TBC1D9: variants seen among roughly 807,000 people sequenced by gnomAD.
TBC1D9 encodes the protein TBC1 domain family member 9A.
A neutral mutation model predicts 132.0 loss-of-function variants in TBC1D9; 63 were observed. That is an observed-to-expected ratio of 0.48 (90% CI 0.39 to 0.59). The LOEUF (loss-of-function observed/expected upper bound fraction) is 0.59, where lower values mean the gene tolerates loss of function less well. Among genes scored for constraint, TBC1D9 ranks in the 20% least tolerant of loss-of-function variants. The pLI, the probability that TBC1D9 is intolerant of heterozygous loss-of-function variation, is 0.00. For missense variants in TBC1D9, 1,261 were observed against 1,592.7 expected (o/e 0.79, Z 3.54); for synonymous variants, 610 against 609.9 (o/e 1.00, Z 0.00).
At chr4:140,641,105 C>CAAAAAAAAA (rs1038335139) in intron 13 of TBC1D9, among the ~76,000 whole-genome samples, 1 of 59,780 alleles carries the variant, frequency 1.7e-5, no homozygotes, top group African/African-American at 6.1e-5. Flanking sequence ...AAAAAAAAAA[C>CAAAAAAAAA]AAAAAAAAAC....
intron 16 of TBC1D9, among the ~76,000 whole-genome samples, chr4:140,630,782 C>G (rs1196938509): frequency 1.3e-5 from 2 of 152,214 alleles, no homozygotes; most frequent in African/African-American, 4.8e-5. Flanking sequence ...TAAGTGTACT[C>G]TGCCTTCATG....
chr4:140,666,598 A>G (rs956740918), intron 9 of TBC1D9, among the ~76,000 whole-genome samples: 11 of 151,994 alleles, frequency 7.2e-5, no homozygotes, highest in Non-Finnish European at 1.5e-4. Context: ...TCGGCCTCCC[A>G]AAGTGCTGGG....
intron 15 of TBC1D9, among the ~76,000 whole-genome samples, chr4:140,637,337 G>A (rs1456688466): frequency 2.0e-5 from 3 of 150,548 alleles, no homozygotes; most frequent in East Asian, 3.9e-4. Flanking sequence ...GTGACAGAAC[G>A]AGACTCCGTC....
intron 1 of TBC1D9, among the ~76,000 whole-genome samples, chr4:140,720,196 G>A (rs1388675198): frequency 1.3e-5 from 2 of 152,206 alleles, no homozygotes; most frequent in Non-Finnish European, 2.9e-5. Flanking sequence ...CAGCTCAATA[G>A]CAAGGGAGTG....
In TBC1D9 at chr4:140,654,192, T is replaced by C. The variant is rs75775479; in HGVS notation, c.2337+2905A>G. On this transcript the variant is annotated intron_variant, in intron 13 of 20. Coordinates refer to ENST00000442267, the MANE Select transcript of TBC1D9 (RefSeq NM_015130.3). ...TGAACAAAGGGCATGAGAGCCTTTATTCCTGACACCAAGTCCTGCCCCTGT... is the reference window on the plus strand; with the variant it reads ...TGAACAAAGGGCATGAGAGCCTTTACTCCTGACACCAAGTCCTGCCCCTGT... 2.3e-3 allele frequency among the ~76,000 whole-genome samples: 345 copies of C among 152,382 alleles called. 3 individuals carry two copies. In the East Asian group the frequency reaches 0.027, roughly 12 times the overall value.
chr4:140,622,785 C>G lies in TBC1D9; in HGVS notation c.3211G>C (p.Val1071Leu). The change falls in exon 21 of 21, where the codon GTG (valine) becomes CTG (leucine). Residue 1071 changes from valine to leucine, a missense_variant. Physicochemically the swap from Val to Leu is conservative, Grantham distance 32 (BLOSUM62 1). Transcript: ENST00000442267. The stretch of plus-strand genomic sequence containing the variant: ...CCGCCCTCCTTTGCAGGCTGGGCCA[C>G]GAACAACTTGCCGACCTCCCCAATC... ...LEIGEVGKLF[V>L]AQPAKEGGSG... 3 of 1,603,092 alleles carry G rather than the reference C, an allele frequency of 1.9e-6. No individual in the cohort carries two copies. Among genetic ancestry groups the G allele is most frequent in the Non-Finnish European group, 2.5e-6 (3 of 1,179,192 alleles).
At chr4:140,707,533 A>G (rs887963221) in intron 1 of TBC1D9, among the ~76,000 whole-genome samples, 1 of 152,192 alleles carries the variant, frequency 6.6e-6, no homozygotes, top group African/African-American at 2.4e-5. Context: ...TCTGTAGGCC[A>G]CCTGCTGCCA....
chr4:140,742,915 GAGAA>G (rs1002816795), intron 1 of TBC1D9, among the ~76,000 whole-genome samples: 1 of 151,598 alleles, frequency 6.6e-6, no homozygotes, highest in African/African-American at 2.4e-5. Context: ...GGAGGAGAAA[GAGAA>G]AGAAAGAAAC....
In TBC1D9 at chr4:140,690,033, T is replaced by C. The variant is rs1002614964; in HGVS notation, c.242-3571A>G. The stretch of plus-strand genomic sequence containing the variant: ...CACAGTGCCTGGCCTGTGTGCTTTA[T>C]GCATAAAGAAAGGATAAAGGTTTCT... On this transcript the variant is annotated intron_variant, in intron 2 of 20. Transcript: ENST00000442267. Among the ~76,000 whole-genome samples, 10 of 151,838 alleles carry C rather than the reference T, an allele frequency of 6.6e-5. No homozygotes were observed. In the South Asian group the frequency reaches 1.9e-3, roughly 28 times the overall value.
At chr4:140,665,513 A>G (rs1737429639) in intron 9 of TBC1D9, among the ~76,000 whole-genome samples, 1 of 152,190 alleles carries the variant, frequency 6.6e-6, no homozygotes, top group Non-Finnish European at 1.5e-5. Context: ...CTTCAGGAGA[A>G]TGCAAATCAA....
intron 13 of TBC1D9, chr4:140,643,324 C>A: frequency 1.5e-6 from 2 of 1,340,770 alleles, no homozygotes; most frequent in Non-Finnish European, 2.1e-6. Context: ...TCGGCAGCTT[C>A]CTGCTTCTCC....
chr4:140,722,166 C>T (rs1738435657), intron 1 of TBC1D9, among the ~76,000 whole-genome samples: 1 of 152,106 alleles, frequency 6.6e-6, no homozygotes, highest in Admixed American at 6.6e-5. Flanking sequence ...CAAGCTTCAA[C>T]CATAATAGCT....
At chr4:140,722,761 GA>G (rs1738443154) in intron 1 of TBC1D9, among the ~76,000 whole-genome samples, 2 of 151,880 alleles carry the variant, frequency 1.3e-5, no homozygotes, top group South Asian at 4.1e-4. Flanking sequence ...ATTTTACTAG[GA>G]AAAGACTCTC....
intron 3 of TBC1D9, among the ~76,000 whole-genome samples, chr4:140,682,596 A>G (rs1737723110): frequency 6.6e-6 from 1 of 152,194 alleles, no homozygotes. Flanking sequence ...AATATCTATG[A>G]ATGAAAGATT....
At chr4:140,747,132 G>C (rs538086057) in intron 1 of TBC1D9, among the ~76,000 whole-genome samples, 1 of 152,282 alleles carries the variant, frequency 6.6e-6, no homozygotes, top group Non-Finnish European at 1.5e-5. Context: ...CAGATCATCT[G>C]AGGTCAGAAG....
intron 13 of TBC1D9, among the ~76,000 whole-genome samples, chr4:140,640,984 G>A (rs1483283003): frequency 6.7e-6 from 1 of 149,108 alleles, no homozygotes; most frequent in East Asian, 2.0e-4. Flanking sequence ...CCACTCAAAT[G>A]CTCATGCACA....
intron 1 of TBC1D9, 32 bp downstream of exon 1, chr4:140,755,884 C>T: frequency 2.7e-6 from 4 of 1,504,874 alleles, no homozygotes; most frequent in Non-Finnish European, 3.5e-6. Flanking sequence ...GCTCCCGGCT[C>T]CCCTCCTGCA....
intron 2 of TBC1D9, among the ~76,000 whole-genome samples, chr4:140,696,440 A>G (rs1737959510): frequency 2.3e-5 from 3 of 132,296 alleles, no homozygotes; most frequent in African/African-American, 2.8e-5. Context: ...CTGGAGACAG[A>G]GCAAGAGTCC....
intron 1 of TBC1D9, among the ~76,000 whole-genome samples, chr4:140,725,281 T>C (rs1455269198): frequency 6.6e-6 from 1 of 152,206 alleles, no homozygotes; most frequent in Non-Finnish European, 1.5e-5. Context: ...TATACCATTG[T>C]ACGGTAGATG....
Sources: gnomAD v4.1 joint callset for allele counts (sites outside exome capture counted in the v4.1 genomes callset) on GRCh38, gnomAD v4.1.1 for gene constraint, MANE v1.5 for transcripts, NCBI Gene and HGNC (gene_info 2026-07-23, HGNC 2026-07-21) for gene names.